RNF180: variants seen among roughly 807,000 people sequenced by gnomAD.
The protein encoded by RNF180 is ring finger protein 180, also known as E3 ubiquitin-protein ligase RNF180.
A neutral mutation model predicts 59.2 loss-of-function variants in RNF180; 38 were observed. That is an observed-to-expected ratio of 0.64 (90% CI 0.50 to 0.84). The LOEUF (loss-of-function observed/expected upper bound fraction) is 0.84, where lower values mean the gene tolerates loss of function less well. Among genes scored for constraint, RNF180 ranks in the 40% least tolerant of loss-of-function variants. The pLI is 0.00. For synonymous variants in RNF180, 262 were observed against 240.3 expected (o/e 1.09, Z -0.84); for missense variants, 705 against 700.9 (o/e 1.01, Z -0.07).
chr5:64,305,942 G>T (rs1743423840), intron 5 of RNF180, among the ~76,000 whole-genome samples: 1 of 151,436 alleles, frequency 6.6e-6, no homozygotes, highest in South Asian at 2.1e-4. Context: ...TTTATACATG[G>T]TTTCAATTGC....
rs139457296 is a variant in RNF180 at position 64,237,265 on chromosome 5, G to A, written c.1227+19869G>A. 4.3e-3 allele frequency among the ~76,000 whole-genome samples: 658 copies of A among 152,344 alleles called. 3 individuals carry two copies. The highest frequency in any genetic ancestry group is 0.015 in the African/African-American group (626 of 41,582). On this transcript the variant is annotated intron_variant, in intron 5 of 7. Coordinates refer to ENST00000389100, the MANE Select transcript of RNF180 (RefSeq NM_001113561.2). ...CCCACTCATTGCATCAGCATGCCCT[G>A]TATGTGAGACCTGGAGTCAAAGGAG... is the stretch of plus-strand genomic sequence containing the variant.
chr5:64,277,783 G>A (rs951924254), intron 5 of RNF180, among the ~76,000 whole-genome samples: 1 of 152,132 alleles, frequency 6.6e-6, no homozygotes, highest in Non-Finnish European at 1.5e-5. Flanking sequence ...AATAGTGTCA[G>A]CTCCTTCTTC....
intron 7 of RNF180, among the ~76,000 whole-genome samples, chr5:64,333,044 A>T (rs1336692365): frequency 3.5e-4 from 54 of 152,260 alleles, no homozygotes; most frequent in Non-Finnish European, 2.9e-5. Context: ...ATATAACTTT[A>T]CACAGTGATT....
intron 1 of RNF180, among the ~76,000 whole-genome samples, chr5:64,189,402 G>A (rs540378168): frequency 1.7e-4 from 26 of 152,162 alleles, no homozygotes; most frequent in Non-Finnish European, 2.9e-5. Context: ...TGATTCTGGT[G>A]AAGTCTCAGA....
intron 5 of RNF180, among the ~76,000 whole-genome samples, chr5:64,275,040 T>A (rs1224983975): frequency 6.6e-6 from 1 of 151,936 alleles, no homozygotes; most frequent in Non-Finnish European, 1.5e-5. Context: ...ATTTGGAATG[T>A]GTATAAATGC....
At chr5:64,190,745 A>G (rs1171550147) in intron 1 of RNF180, among the ~76,000 whole-genome samples, 3 of 152,212 alleles carry the variant, frequency 2.0e-5, no homozygotes, top group Non-Finnish European at 4.4e-5. Flanking sequence ...AGAAGTACAC[A>G]TGCACAGAGG....
chr5:64,231,195 C>T (rs1192349272), intron 5 of RNF180, among the ~76,000 whole-genome samples: 2 of 152,186 alleles, frequency 1.3e-5, no homozygotes, highest in African/African-American at 4.8e-5. Context: ...AAACATTAGA[C>T]AATAAATCAC....
At chr5:64,233,166 T>C in intron 5 of RNF180, among the ~76,000 whole-genome samples, 1 of 152,338 alleles carries the variant, frequency 6.6e-6, no homozygotes, top group Non-Finnish European at 1.5e-5. Context: ...ATGTAAAATA[T>C]ATTACTATAA....
intron 7 of RNF180, among the ~76,000 whole-genome samples, 189 bp downstream of exon 7, chr5:64,330,595 A>G (rs1273741102): frequency 1.3e-5 from 2 of 152,256 alleles, no homozygotes; most frequent in South Asian, 2.1e-4. Context: ...AATGAAGACT[A>G]TACAATAAGA....
At chr5:64,252,611 G>C (rs1743656695) in intron 5 of RNF180, among the ~76,000 whole-genome samples, 1 of 152,088 alleles carries the variant, frequency 6.6e-6, no homozygotes, top group African/African-American at 2.4e-5. Flanking sequence ...TCATAGAAAT[G>C]CCATCTTTCA....
intron 5 of RNF180, among the ~76,000 whole-genome samples, chr5:64,244,753 T>G (rs574038488): frequency 3.3e-4 from 50 of 152,082 alleles, no homozygotes; most frequent in Non-Finnish European, 5.7e-4. Context: ...ACAAAGATAT[T>G]CCTCAAGAAG....
chr5:64,212,655 T>C (rs1344654532), intron 3 of RNF180, among the ~76,000 whole-genome samples: 1 of 152,126 alleles, frequency 6.6e-6, no homozygotes, highest in Non-Finnish European at 1.5e-5. Flanking sequence ...ACAAAATAAA[T>C]AGGATAATTA....
At chr5:64,362,409 G>A (rs1392382731) in intron 7 of RNF180, among the ~76,000 whole-genome samples, 1 of 151,824 alleles carries the variant, frequency 6.6e-6, no homozygotes, top group African/African-American at 2.4e-5. Flanking sequence ...TCCTGCAAAG[G>A]CCATGATCTC....
chr5:64,331,497 A>G (rs1475120105), intron 7 of RNF180, among the ~76,000 whole-genome samples: 1 of 152,034 alleles, frequency 6.6e-6, no homozygotes, highest in Non-Finnish European at 1.5e-5. Flanking sequence ...GGGACAACCT[A>G]CCTGACAATA....
At chr5:64,189,719 A>G (rs981808233) in intron 1 of RNF180, among the ~76,000 whole-genome samples, 4 of 152,210 alleles carry the variant, frequency 2.6e-5, no homozygotes, top group African/African-American at 9.6e-5. Context: ...GCCTGTTTAT[A>G]TTGCATAATA....
At chr5:64,194,271 T>C (rs1751337356) in intron 1 of RNF180, among the ~76,000 whole-genome samples, 1 of 152,166 alleles carries the variant, frequency 6.6e-6, no homozygotes, top group African/African-American at 2.4e-5. Flanking sequence ...TTTTTGTCCT[T>C]GCGATAGTTT....
chr5:64,330,504 A>G lies in RNF180; in HGVS notation c.1579+98A>G, dbSNP rs2112537223. On this transcript the variant is annotated intron_variant, in intron 7 of 7. Coordinates refer to ENST00000389100, the MANE Select transcript of RNF180 (RefSeq NM_001113561.2). ...CTGTCTCAGAAATATTAGGGGAAAC[A>G]TATTTCTGTATTAATCAATTTTAAA... 2.7e-6 allele frequency: 3 copies of G among 1,094,898 alleles called. 1 individual carries two copies. The South Asian group carries it at 4.5e-5, about 16-fold the overall frequency. The allele number at this position is 1,094,898 out of a possible 1,614,324, so 67.8% of individuals were successfully genotyped here.
At chr5:64,326,361 G>C (rs2112525867) in intron 6 of RNF180, among the ~76,000 whole-genome samples, 1 of 152,132 alleles carries the variant, frequency 6.6e-6, no homozygotes, top group South Asian at 2.1e-4. Flanking sequence ...TTATTTAATA[G>C]AAACTCCTAA....
chr5:64,293,163 G>T (rs1342627275), intron 5 of RNF180, among the ~76,000 whole-genome samples: 1 of 152,206 alleles, frequency 6.6e-6, no homozygotes, highest in Non-Finnish European at 1.5e-5. Context: ...GAGGAGTGTG[G>T]TTTCCCAGGT....
Sources: allele counts gnomAD v4.1 joint callset (sites outside exome capture counted in the v4.1 genomes callset), GRCh38; gene constraint gnomAD v4.1.1; transcripts MANE v1.5; gene names NCBI Gene and HGNC (gene_info 2026-07-23, HGNC 2026-07-21).